Variants in DCX observed in about 807,000 individuals in gnomAD.
DCX encodes the protein neuronal migration protein doublecortin.
In DCX, 4 loss-of-function variants were observed where a neutral mutation model predicts 20.9. The observed-to-expected ratio is 0.19, with a 90% confidence interval of 0.09 to 0.44. The LOEUF (loss-of-function observed/expected upper bound fraction) is 0.44, where lower values mean the gene tolerates loss of function less well. Ranked by LOEUF, DCX falls within the 20% of genes least tolerant of loss-of-function variation. The probability of loss-of-function intolerance (pLI) is 0.99; values close to 1 mark genes in which losing one functional copy is unlikely to be tolerated. For synonymous variants in DCX, 103 were observed against 111.4 expected (o/e 0.92, Z 0.47); for missense variants, 133 against 296.9 (o/e 0.45, Z 4.06).
chrX:111,308,785 T>C (rs2095051058), intron 6 of DCX, among the ~76,000 whole-genome samples: 1 of 112,169 alleles, frequency 8.9e-6, no homozygotes, highest in Admixed American at 9.5e-5. Flanking sequence ...AAAATGCCTC[T>C]AAATTTCAAG....
At chrX:111,382,519 C>A (rs1926055259) in intron 3 of DCX, among the ~76,000 whole-genome samples, 1 of 111,905 alleles carries the variant, frequency 8.9e-6, no homozygotes, top group East Asian at 2.8e-4. Flanking sequence ...CTGTGAATGG[C>A]AAATGAGCCC....
Position 111,368,325 on chromosome X carries a change from T to C in DCX, c.705+32665A>G, listed in dbSNP as rs1273874984. On this transcript the variant is annotated intron_variant, in intron 3 of 6. Transcript: ENST00000636035. ...CACCAGCTCTTCCAAAACCATAGTCTGCACTTCAATGAAAAAAGTCCAATT... is the reference window on the plus strand; with the variant it reads ...CACCAGCTCTTCCAAAACCATAGTCCGCACTTCAATGAAAAAAGTCCAATT... 2.7e-5 allele frequency among the ~76,000 whole-genome samples: 3 copies of C among 111,718 alleles called. No individual in the cohort carries two copies. The East Asian group carries it at 8.5e-4, about 32-fold the overall frequency.
rs757548282 is a variant in DCX at position 111,337,783 on chromosome X, AT to A, written c.706-4631del. On this transcript the variant is annotated intron_variant, in intron 3 of 6. Transcript: ENST00000636035. Reference sequence around the variant, plus strand: ...TTTCTTCAAAAGTTCAATTCTACTAATATTGATACATTAAGCACTTACTAGG... The same window carrying A: ...TTTCTTCAAAAGTTCAATTCTACTAAATTGATACATTAAGCACTTACTAGG... Among the ~76,000 whole-genome samples, 5 of 112,468 alleles carry A rather than the reference AT, an allele frequency of 4.4e-5. No homozygotes were observed. The East Asian group carries it at 1.4e-3, about 31-fold the overall frequency.
chrX:111,354,127 C>T (rs142320176), intron 3 of DCX, among the ~76,000 whole-genome samples: 6,419 of 111,583 alleles, frequency 0.058, 459 homozygotes, highest in African/African-American at 0.2. Context: ...CTAATTCATG[C>T]TAGAATGTTC....
chrX:111,374,622 G>A (rs943517964), intron 3 of DCX, among the ~76,000 whole-genome samples: 18 of 110,577 alleles, frequency 1.6e-4, no homozygotes, highest in African/African-American at 5.9e-4. Context: ...ACCCAATGGA[G>A]GGAAAATGAC....
At chrX:111,322,505 G>A (rs1179001945) in intron 5 of DCX, among the ~76,000 whole-genome samples, 6 of 112,048 alleles carry the variant, frequency 5.4e-5, no homozygotes, top group South Asian at 3.7e-4. Flanking sequence ...ATTCATTCCA[G>A]TCCAAAGATA....
chrX:111,338,648 T>A (rs1167460208), intron 3 of DCX, among the ~76,000 whole-genome samples: 1 of 108,573 alleles, frequency 9.2e-6, no homozygotes, highest in African/African-American at 3.4e-5. Flanking sequence ...GGGGGCTTTT[T>A]ATGACAACAT....
At chrX:111,367,544 G>C (rs1924721457) in intron 3 of DCX, among the ~76,000 whole-genome samples, 1 of 111,676 alleles carries the variant, frequency 9.0e-6, no homozygotes, top group African/African-American at 3.3e-5. Flanking sequence ...ATCCAATAGA[G>C]ATAATGCTCT....
At chrX:111,312,804 C>A (rs2095060606) in intron 5 of DCX, 68 bp from the exon 6 acceptor site, 6 of 1,021,428 alleles carry the variant, frequency 5.9e-6, no homozygotes, top group South Asian at 1.9e-5. Flanking sequence ...GTTATCCTTC[C>A]CCTCAGAAGA....
At chrX:111,316,541 A>G (rs2095072806) in intron 5 of DCX, among the ~76,000 whole-genome samples, 1 of 111,186 alleles carries the variant, frequency 9.0e-6, no homozygotes, top group Non-Finnish European at 1.9e-5. Flanking sequence ...CTCTCTCACC[A>G]CTCTTATTCA....
intron 2 of DCX, among the ~76,000 whole-genome samples, chrX:111,403,590 G>A (rs1301374556): frequency 1.8e-5 from 2 of 111,861 alleles, no homozygotes; most frequent in African/African-American, 3.2e-5. Flanking sequence ...TGGAAAAAGC[G>A]CAGCTGATGT....
chrX:111,369,563 G>T (rs1226577107), intron 3 of DCX, among the ~76,000 whole-genome samples: 1 of 111,397 alleles, frequency 9.0e-6, no homozygotes, highest in East Asian at 2.8e-4. Context: ...TTATCCAAGG[G>T]GATGGTCCCA....
intron 3 of DCX, among the ~76,000 whole-genome samples, chrX:111,354,157 C>T (rs768595644): frequency 8.9e-6 from 1 of 111,912 alleles, no homozygotes; most frequent in South Asian, 3.8e-4. Flanking sequence ...TCTCTCTAGG[C>T]ATTCCCCCAA....
chrX:111,342,349 A>ATATATATATC (rs1922339600), intron 3 of DCX, among the ~76,000 whole-genome samples: 1 of 49,810 alleles, frequency 2.0e-5, no homozygotes, highest in Admixed American at 2.0e-4. Flanking sequence ...TTATATATAT[A>ATATATATATC]TATATATATA....
At chrX:111,333,179 T>A (rs762997832) in intron 3 of DCX, 26 bp from the exon 4 acceptor site, 2 of 1,070,437 alleles carry the variant, frequency 1.9e-6, no homozygotes, top group South Asian at 3.8e-5. Flanking sequence ...AAACACTGAT[T>A]GTATATGATG....
At chrX:111,308,087 AG>A (rs1277685577) in intron 6 of DCX, among the ~76,000 whole-genome samples, 1 of 112,439 alleles carries the variant, frequency 8.9e-6, no homozygotes, top group Non-Finnish European at 1.9e-5. Context: ...AACAATGTTC[AG>A]GAAAAGGAAT....
At position 111,410,725 on chromosome X, in the gene DCX, TTGAAATA is replaced by T. The variant is rs200417598; in HGVS notation, c.-22-312_-22-306del. The T allele has an allele frequency of 0.022, 25,548 of 1,184,491 alleles. 1,300 individuals are homozygous for T. The African/African-American group carries it at 0.24, about 11-fold the overall frequency. ...TCCAGACAGAGGAGAAGGGGAGATT[TTGAAATA>T]GCTGAAAATCCTGAGACTTACTGAC... On this transcript the variant is annotated intron_variant, in intron 1 of 6. Transcript: ENST00000636035.
intron 3 of DCX, among the ~76,000 whole-genome samples, chrX:111,344,936 A>C (rs879049046): frequency 3.6e-5 from 4 of 112,295 alleles, no homozygotes. Flanking sequence ...TATAGCCAAG[A>C]CAATCTTAAG....
At chrX:111,390,619 T>C (rs1440694822) in intron 3 of DCX, among the ~76,000 whole-genome samples, 1 of 111,661 alleles carries the variant, frequency 9.0e-6, no homozygotes, top group African/African-American at 3.3e-5. Flanking sequence ...CTATCTGGAC[T>C]CTCTACTAGT....
Sources: gnomAD v4.1 joint callset for allele counts (sites outside exome capture counted in the v4.1 genomes callset) on GRCh38, gnomAD v4.1.1 for gene constraint, MANE v1.5 for transcripts, NCBI Gene and HGNC (gene_info 2026-07-23, HGNC 2026-07-21) for gene names.